The following CRIM1 variants were observed in gnomAD, a reference collection of about 807,000 sequenced individuals.
CRIM1 encodes cysteine-rich motor neuron 1 protein.
In CRIM1, 32 loss-of-function variants were observed where a neutral mutation model predicts 116.4. That is an observed-to-expected ratio of 0.27 (90% CI 0.21 to 0.37). The LOEUF is 0.37. Among genes scored for constraint, CRIM1 ranks in the 10% least tolerant of loss-of-function variants. The pLI is 1.00. For missense variants in CRIM1, 1,331 were observed against 1,354.8 expected, an observed-to-expected ratio of 0.98 and a Z score of 0.28; for synonymous variants, 590 against 509.2, an observed-to-expected ratio of 1.16 and a Z score of -2.13.
chr2:36,436,992 G>A (rs1235233062), intron 2 of CRIM1, among the ~76,000 whole-genome samples: 1 of 152,108 alleles, frequency 6.6e-6, no homozygotes, highest in Non-Finnish European at 1.5e-5. Flanking sequence ...AATATTCAAA[G>A]CATAATTAAA....
At chr2:36,503,255 A>G (rs188252825) in intron 8 of CRIM1, among the ~76,000 whole-genome samples, 5 of 152,306 alleles carry the variant, frequency 3.3e-5, no homozygotes, top group African/African-American at 9.6e-5. Flanking sequence ...CTGGAGTCAG[A>G]CTGCCTGGGT....
At chr2:36,546,098 G>A (rs1667305649) in intron 15 of CRIM1, among the ~76,000 whole-genome samples, 1 of 152,126 alleles carries the variant, frequency 6.6e-6, no homozygotes, top group Non-Finnish European at 1.5e-5. Context: ...TTCATGAGCT[G>A]AATTTCCAGA....
chr2:36,455,005 A>G (rs1023585559), intron 4 of CRIM1, among the ~76,000 whole-genome samples: 3 of 152,150 alleles, frequency 2.0e-5, no homozygotes, highest in Admixed American at 1.3e-4. Context: ...TTAAAGAGGT[A>G]CAGTCAGGAG....
intron 1 of CRIM1, among the ~76,000 whole-genome samples, chr2:36,376,507 G>A (rs1473113666): frequency 2.0e-5 from 3 of 152,188 alleles, no homozygotes; most frequent in African/African-American, 7.2e-5. Flanking sequence ...TGAGAGCCCT[G>A]GGTTTATTTC....
At chr2:36,380,994 G>GC (rs953809719) in intron 1 of CRIM1, among the ~76,000 whole-genome samples, 12 of 152,222 alleles carry the variant, frequency 7.9e-5, no homozygotes, top group South Asian at 4.2e-4. Flanking sequence ...AACTCCTGGG[G>GC]CCCCCCCGCT....
intron 4 of CRIM1, among the ~76,000 whole-genome samples, chr2:36,447,920 A>G (rs1676376284): frequency 6.6e-6 from 1 of 152,192 alleles, no homozygotes; most frequent in African/African-American, 2.4e-5. Context: ...TTCGGGCAGC[A>G]TTATAGTTAA....
chr2:36,533,686 T>G (rs1437810412), intron 13 of CRIM1, among the ~76,000 whole-genome samples: 1 of 152,206 alleles, frequency 6.6e-6, no homozygotes. Flanking sequence ...ATAAATATTC[T>G]TTTAGACAGT....
chr2:36,429,932 G>C (rs1365207823), intron 2 of CRIM1, among the ~76,000 whole-genome samples: 1 of 152,196 alleles, frequency 6.6e-6, no homozygotes, highest in African/African-American at 2.4e-5. Flanking sequence ...AGAAGTAAGG[G>C]ACCAGGTGAG....
intron 8 of CRIM1, 107 bp from the exon 9 acceptor site, chr2:36,509,876 A>C: frequency 2.1e-6 from 2 of 969,866 alleles, no homozygotes; most frequent in South Asian, 3.4e-5. Flanking sequence ...AGAGCTGAGA[A>C]ATTGAGATCT....
intron 14 of CRIM1, among the ~76,000 whole-genome samples, chr2:36,542,843 A>C (rs1667041242): frequency 6.6e-6 from 1 of 152,122 alleles, no homozygotes; most frequent in Non-Finnish European, 1.5e-5. Flanking sequence ...CCCCCTGCAC[A>C]CACCTCCCGG....
chr2:36,377,147 G>C (rs2148323922), intron 1 of CRIM1, among the ~76,000 whole-genome samples: 1 of 152,282 alleles, frequency 6.6e-6, no homozygotes, highest in African/African-American at 2.4e-5. Context: ...AGAGCTCAGG[G>C]GCGCTGTCCA....
At chr2:36,362,756 C>T (rs1403143683) in intron 1 of CRIM1, among the ~76,000 whole-genome samples, 1 of 152,134 alleles carries the variant, frequency 6.6e-6, no homozygotes, top group East Asian at 1.9e-4. Flanking sequence ...TTATCTTGGG[C>T]CCACATGAAA....
At chr2:36,524,186 A>T (rs562987230) in intron 13 of CRIM1, among the ~76,000 whole-genome samples, 3 of 152,218 alleles carry the variant, frequency 2.0e-5, no homozygotes, top group African/African-American at 7.2e-5. Flanking sequence ...GATATGTGGT[A>T]GCCCTGCATT....
At chr2:36,435,675 T>G (rs959214186) in intron 2 of CRIM1, among the ~76,000 whole-genome samples, 8 of 152,144 alleles carry the variant, frequency 5.3e-5, no homozygotes, top group Admixed American at 3.3e-4. Flanking sequence ...TGCACCAACC[T>G]ATACTTCCTT....
intron 4 of CRIM1, among the ~76,000 whole-genome samples, chr2:36,464,156 G>A (rs1373823266): frequency 6.6e-6 from 1 of 152,204 alleles, no homozygotes; most frequent in East Asian, 1.9e-4. Context: ...CTCTGTATTA[G>A]CCTGTGCAAG....
intron 4 of CRIM1, among the ~76,000 whole-genome samples, chr2:36,460,819 A>G (rs968691501): frequency 5.3e-5 from 8 of 152,210 alleles, no homozygotes; most frequent in Admixed American, 2.6e-4. Context: ...CACAAAATAG[A>G]GAAAGAGGGT....
At chr2:36,418,523 G>A (rs1473106643) in intron 2 of CRIM1, among the ~76,000 whole-genome samples, 1 of 152,158 alleles carries the variant, frequency 6.6e-6, no homozygotes, top group East Asian at 1.9e-4. Flanking sequence ...CTGGGCTCAG[G>A]CAGTCCACCC....
chr2:36,455,524 G>C (rs1415856301), intron 4 of CRIM1, among the ~76,000 whole-genome samples: 1 of 152,178 alleles, frequency 6.6e-6, no homozygotes, highest in African/African-American at 2.4e-5. Context: ...CTGTGTTGTT[G>C]CCAAAGTGCA....
chr2:36,476,496 GA>G (rs1243083781), intron 5 of CRIM1, among the ~76,000 whole-genome samples: 3 of 152,150 alleles, frequency 2.0e-5, no homozygotes, highest in African/African-American at 7.2e-5. Flanking sequence ...TAAAATTTTT[GA>G]AGCAGAACAA....
Sources: allele counts gnomAD v4.1 joint callset (sites outside exome capture counted in the v4.1 genomes callset), GRCh38; gene constraint gnomAD v4.1.1; transcripts MANE v1.5; gene names NCBI Gene and HGNC (gene_info 2026-07-23, HGNC 2026-07-21).